The following ERCC6L2 variants were observed in gnomAD, a reference collection of about 807,000 sequenced individuals.
ERCC6L2 encodes DNA excision repair protein ERCC-6-like 2.
Under a neutral mutation model 132.0 loss-of-function variants are expected in ERCC6L2, and 77 were observed. The observed-to-expected ratio is 0.58, with a 90% CI of 0.49 to 0.71. The LOEUF is 0.71. Among genes scored for constraint, ERCC6L2 ranks in the 30% least tolerant of loss-of-function variants. The pLI, the probability that ERCC6L2 is intolerant of heterozygous loss-of-function variation, is 0.00. For synonymous variants in ERCC6L2, 583 were observed against 632.4 expected, an observed-to-expected ratio of 0.92 and a Z score of 1.17; for missense variants, 1,542 against 1,837.6, an observed-to-expected ratio of 0.84 and a Z score of 2.94.
chr9:95,985,107 A>T (rs543708062), intron 17 of ERCC6L2, among the ~76,000 whole-genome samples: 45 of 152,296 alleles, frequency 3.0e-4, no homozygotes, highest in African/African-American at 1.0e-3. Flanking sequence ...GTCTTCAGGG[A>T]TCACTCAGTT....
Position 95,928,791 on chromosome 9 carries a change from TC to T in ERCC6L2, c.1679del (p.Ser560Ter). On this transcript the variant is annotated frameshift_variant, in exon 11 of 19. Coordinates refer to ENST00000653738, the MANE Select transcript of ERCC6L2 (RefSeq NM_020207.7). LOFTEE classifies it high-confidence loss of function. ...DYRRLDGSTK[S>X]EERLKIVKEF... Reference sequence around the variant, plus strand: ...CCGACGACTTGATGGAAGTACAAAATCAGAGGAAAGACTCAAGATTGTAAAA... The same window carrying T: ...CCGACGACTTGATGGAAGTACAAAATAGAGGAAAGACTCAAGATTGTAAAA... 6.2e-7 allele frequency: 1 copy of T among 1,613,184 alleles called. No homozygotes were observed. The highest frequency in any genetic ancestry group is 8.5e-7 in the Non-Finnish European group (1 of 1,179,512).
At chr9:96,030,092 C>G (rs1024147554) in intron 19 of ERCC6L2, among the ~76,000 whole-genome samples, 1 of 152,140 alleles carries the variant, frequency 6.6e-6, no homozygotes, top group Non-Finnish European at 1.5e-5. Context: ...TGTAAAATGC[C>G]CCAGTCAGCA....
chr9:96,038,045 G>A (rs1834539454), intron 19 of ERCC6L2, among the ~76,000 whole-genome samples: 1 of 152,074 alleles, frequency 6.6e-6, no homozygotes, highest in Admixed American at 6.6e-5. Context: ...GTGGTGGGAA[G>A]TGGGGAAGAG....
At chr9:95,958,138 TG>T (rs928141427) in intron 13 of ERCC6L2, among the ~76,000 whole-genome samples, 1 of 151,316 alleles carries the variant, frequency 6.6e-6, no homozygotes, top group African/African-American at 2.4e-5. Flanking sequence ...TTTGGTTTTT[TG>T]TTCTTGCGAT....
At chr9:95,923,441 T>C (rs1226001542) in intron 9 of ERCC6L2, 62 bp downstream of exon 9, 2 of 1,577,044 alleles carry the variant, frequency 1.3e-6, no homozygotes, top group East Asian at 2.3e-5. Context: ...TTCAGTGGTA[T>C]GACAGAGACA....
chr9:96,002,225 G>T (rs1237702879), intron 17 of ERCC6L2, among the ~76,000 whole-genome samples: 1 of 152,268 alleles, frequency 6.6e-6, no homozygotes, highest in Non-Finnish European at 1.5e-5. Context: ...AGCCCAGGCA[G>T]GGGAGGTGCC....
rs537693484 is a variant in ERCC6L2, at chr9:96,015,623, G to T, written c.*2420G>T. 7.0e-6 allele frequency among the ~76,000 whole-genome samples: 1 copy of T among 142,632 alleles called. No homozygotes were observed. Among genetic ancestry groups the T allele is most frequent in the South Asian group, 2.2e-4 (1 of 4,448 alleles). The allele number at this position is 142,632 out of a possible 152,430, so 93.6% of individuals were successfully genotyped here. ...ATCCTGGCTAACGCGGTGAAACCCC[G>T]TCTCTACTAAAAAAAAAAAAAATAC... is the stretch of plus-strand genomic sequence containing the variant. On this transcript the variant is annotated 3_prime_UTR_variant, in exon 19 of 19. Transcript: ENST00000653738.
chr9:95,956,356 C>A (rs140290725), intron 13 of ERCC6L2, among the ~76,000 whole-genome samples: 3 of 152,058 alleles, frequency 2.0e-5, no homozygotes, highest in Non-Finnish European at 4.4e-5. Context: ...ACTAATCAGC[C>A]CACATTTTGA....
chr9:95,904,224 T>C (rs1828920994), intron 3 of ERCC6L2, among the ~76,000 whole-genome samples: 1 of 152,144 alleles, frequency 6.6e-6, no homozygotes, highest in Non-Finnish European at 1.5e-5. Flanking sequence ...AAAGGTATAA[T>C]TTATTTTTCA....
At chr9:95,916,909 T>C (rs1182363540) in intron 6 of ERCC6L2, among the ~76,000 whole-genome samples, 1 of 152,098 alleles carries the variant, frequency 6.6e-6, no homozygotes, top group Non-Finnish European at 1.5e-5. Context: ...GGTTTCGAAC[T>C]CCTGACCTCA....
Position 95,943,350 on chromosome 9 carries a change from G to A in ERCC6L2, c.1847+1801G>A, listed in dbSNP as rs190916746. Among the ~76,000 whole-genome samples the A allele has an allele frequency of 2.4e-3, 368 of 152,072 alleles. 2 individuals carry two copies. Among genetic ancestry groups the A allele is most frequent in the African/African-American group, 8.5e-3 (351 of 41,494 alleles). On this transcript the variant is annotated intron_variant, in intron 12 of 18. Coordinates refer to ENST00000653738, the MANE Select transcript of ERCC6L2 (RefSeq NM_020207.7). ...ACCCTGGTCAGTTCTCAAATTGTAT[G>A]CCAACAAATGTTTTTAAATGCTAGC... is the stretch of plus-strand genomic sequence containing the variant.
intron 1 of ERCC6L2, chr9:95,877,112 TTGGTAATTAGTTTAAAC>T (rs1827314446): frequency 6.6e-6 from 1 of 152,190 alleles, no homozygotes; most frequent in Non-Finnish European, 1.5e-5. Flanking sequence ...ATGAGTTGAG[TTGGTAATTAGTTTAAAC>T]CAAAACAAAT....
At chr9:96,026,802 T>C (rs1239775658) in intron 19 of ERCC6L2, among the ~76,000 whole-genome samples, 6 of 31,324 alleles carry the variant, frequency 1.9e-4, no homozygotes, top group South Asian at 9.9e-4. Flanking sequence ...CCCACACACA[T>C]ACCACAACAC....
intron 17 of ERCC6L2, 32 bp downstream of exon 17, chr9:95,978,247 GT>G (rs922067731): frequency 7.7e-7 from 1 of 1,299,706 alleles, no homozygotes; most frequent in African/African-American, 1.5e-5. Flanking sequence ...ATCATCTTTA[GT>G]TACCTCATTT....
At chr9:95,950,209 C>T (rs1156925179) in intron 12 of ERCC6L2, among the ~76,000 whole-genome samples, 1 of 151,944 alleles carries the variant, frequency 6.6e-6, no homozygotes, top group East Asian at 1.9e-4. Context: ...AAGACACATG[C>T]ATAAAATAAT....
At chr9:95,974,720 A>ATT (rs1238898429) in intron 16 of ERCC6L2, among the ~76,000 whole-genome samples, 5 of 106,098 alleles carry the variant, frequency 4.7e-5, no homozygotes, top group South Asian at 3.2e-4. Context: ...CAGTGGCCAG[A>ATT]TTTGTGTGTG....
At chr9:95,965,165 A>G (rs1335478331) in intron 13 of ERCC6L2, among the ~76,000 whole-genome samples, 1 of 152,054 alleles carries the variant, frequency 6.6e-6, no homozygotes, top group Non-Finnish European at 1.5e-5. Context: ...TTTTTAAGAG[A>G]GGCATCTTGA....
intron 12 of ERCC6L2, among the ~76,000 whole-genome samples, chr9:95,944,603 C>T (rs553222483): frequency 6.6e-6 from 1 of 152,290 alleles, no homozygotes; most frequent in South Asian, 2.1e-4. Flanking sequence ...CTTTGAAAAA[C>T]ACTGGATATT....
In ERCC6L2 at chr9:95,915,842, A is replaced by G. The variant is rs373929703; in HGVS notation, c.950+13A>G. 407 of 1,573,738 alleles carry G rather than the reference A, an allele frequency of 2.6e-4. No individual in the cohort carries two copies. The highest frequency in any genetic ancestry group is 3.3e-4 in the Non-Finnish European group (387 of 1,163,870). On this transcript the variant is annotated intron_variant, in intron 5 of 18. Transcript: ENST00000653738. ...GTGTTATGGACTGGTGAGAGAAAAC[A>G]CTTTTTAAAAAATTGTTTAATAGTT...
Sources: allele counts gnomAD v4.1 joint callset (sites outside exome capture counted in the v4.1 genomes callset), GRCh38; gene constraint gnomAD v4.1.1; transcripts MANE v1.5; gene names NCBI Gene and HGNC (gene_info 2026-07-23, HGNC 2026-07-21).